The following LYPD6B variants were observed in gnomAD, a reference collection of about 807,000 sequenced individuals.
LYPD6B encodes the protein LY6/PLAUR domain containing 6B.
A neutral mutation model predicts 22.8 loss-of-function variants in LYPD6B; 17 were observed. That is an observed-to-expected ratio of 0.75 (90% CI 0.51 to 1.12). LYPD6B has a LOEUF of 1.12. Among genes scored for constraint, LYPD6B ranks in the 50% most tolerant of loss-of-function variants. The pLI is 0.00. For synonymous variants in LYPD6B, 106 were observed against 91.6 expected, an observed-to-expected ratio of 1.16 and a Z score of -0.90; for missense variants, 221 against 258.3, an observed-to-expected ratio of 0.86 and a Z score of 0.99.
chr2:149,151,908 A>G (rs1215709781), intron 2 of LYPD6B, among the ~76,000 whole-genome samples: 2 of 152,122 alleles, frequency 1.3e-5, no homozygotes. Context: ...GATATTCCAG[A>G]TGCTGGCCTC....
intron 2 of LYPD6B, chr2:149,160,539 A>G (rs1197472929): frequency 1.6e-6 from 1 of 642,280 alleles, no homozygotes. Flanking sequence ...GTGTGTGTTA[A>G]TAAAACGCTA....
chr2:149,114,747 C>T (rs954017792), intron 1 of LYPD6B, among the ~76,000 whole-genome samples: 1 of 152,184 alleles, frequency 6.6e-6, no homozygotes, highest in African/African-American at 2.4e-5. Context: ...AGGACTAATT[C>T]TAGCTATTTC....
At chr2:149,153,505 G>T (rs535127900) in intron 2 of LYPD6B, among the ~76,000 whole-genome samples, 1 of 152,248 alleles carries the variant, frequency 6.6e-6, no homozygotes, top group South Asian at 2.1e-4. Context: ...GGCTGGGCGC[G>T]GTGGCTCATG....
chr2:149,162,190 C>CAAT (rs1690109622), intron 3 of LYPD6B, among the ~76,000 whole-genome samples: 5 of 152,154 alleles, frequency 3.3e-5, no homozygotes, highest in Non-Finnish European at 7.3e-5. Flanking sequence ...AAATGTAACT[C>CAAT]TATTATTAAC....
intron 1 of LYPD6B, among the ~76,000 whole-genome samples, chr2:149,072,526 T>TATTTCATTTC (rs1574915355): frequency 7.2e-6 from 1 of 139,328 alleles, no homozygotes; most frequent in Non-Finnish European, 1.6e-5. Flanking sequence ...TATTTTATTT[T>TATTTCATTTC]ATTTTATTTC....
intron 3 of LYPD6B, among the ~76,000 whole-genome samples, chr2:149,162,572 A>G (rs1356199768): frequency 6.6e-6 from 1 of 152,132 alleles, no homozygotes; most frequent in African/African-American, 2.4e-5. Flanking sequence ...TCTCTTCTGC[A>G]TGAAGGTAGC....
chr2:149,177,324 A>G (rs1409688331), intron 3 of LYPD6B, among the ~76,000 whole-genome samples: 5 of 152,212 alleles, frequency 3.3e-5, no homozygotes, highest in East Asian at 3.9e-4. Flanking sequence ...TCCATCAAAT[A>G]TGTAGCCATG....
chr2:149,095,201 C>T (rs1278056943), intron 1 of LYPD6B, among the ~76,000 whole-genome samples: 6 of 151,980 alleles, frequency 3.9e-5, no homozygotes, highest in South Asian at 2.1e-4. Context: ...GAGGCTGAGG[C>T]GAGAGAATCG....
chr2:149,107,638 G>A (rs1686543566), intron 1 of LYPD6B, among the ~76,000 whole-genome samples: 1 of 152,178 alleles, frequency 6.6e-6, no homozygotes, highest in Admixed American at 6.5e-5. Context: ...CCTGGTTTAT[G>A]TAGATGTGTT....
At chr2:149,145,939 T>C (rs558422421) in intron 2 of LYPD6B, among the ~76,000 whole-genome samples, 1 of 152,228 alleles carries the variant, frequency 6.6e-6, no homozygotes, top group Admixed American at 6.5e-5. Flanking sequence ...GAAAGGAACT[T>C]CTGGGCAGAG....
intron 1 of LYPD6B, among the ~76,000 whole-genome samples, chr2:149,100,189 G>A (rs1252394612): frequency 1.3e-5 from 2 of 151,982 alleles, no homozygotes; most frequent in Non-Finnish European, 2.9e-5. Flanking sequence ...ATCGAACATA[G>A]CCCCTTGTCT....
intron 1 of LYPD6B, among the ~76,000 whole-genome samples, chr2:149,088,902 G>A (rs1193441633): frequency 6.6e-6 from 1 of 151,994 alleles, no homozygotes; most frequent in Admixed American, 6.6e-5. Context: ...GAAGAAAAGG[G>A]GAGACAGTAC....
intron 2 of LYPD6B, among the ~76,000 whole-genome samples, chr2:149,153,741 C>T (rs748147746): frequency 1.3e-5 from 2 of 151,800 alleles, no homozygotes; most frequent in Non-Finnish European, 2.9e-5. Flanking sequence ...TGCCACTGCA[C>T]TCCAGCCTGG....
rs1053436187 is a variant in LYPD6B at position 149,208,192 on chromosome 2, G to T, written c.230-122G>T. On this transcript the variant is annotated intron_variant, in intron 4 of 6. Coordinates refer to ENST00000409642, the MANE Select transcript of LYPD6B (RefSeq NM_177964.5). ...ATCTAGCTCTCTAGAAACAGTAATTGTAAGGATGAAAGCTTATAAGTTTTG... is the reference window on the plus strand; with the variant it reads ...ATCTAGCTCTCTAGAAACAGTAATTTTAAGGATGAAAGCTTATAAGTTTTG... The T allele has an allele frequency of 4.6e-6, 3 of 652,724 alleles. No homozygotes were observed. The East Asian group carries it at 7.9e-5, about 17-fold the overall frequency. 40.4% of individuals were successfully genotyped at this position (652,724 alleles called of 1,614,324 possible). A position where few individuals can be genotyped will look rare whatever the true frequency, so the allele number is the denominator to read the frequency against.
At chr2:149,206,441 C>T (rs1046073165) in intron 4 of LYPD6B, among the ~76,000 whole-genome samples, 2 of 152,070 alleles carry the variant, frequency 1.3e-5, no homozygotes, top group African/African-American at 4.8e-5. Flanking sequence ...ACTACACATA[C>T]ACACCTTGAA....
intron 2 of LYPD6B, among the ~76,000 whole-genome samples, chr2:149,133,879 T>A (rs7595866): frequency 0.43 from 64,623 of 151,960 alleles, 13,956 homozygotes; most frequent in East Asian, 0.54. Flanking sequence ...GATGCTGTAG[T>A]TACAGCAGTG....
chr2:149,047,265 T>A (rs1412381161), intron 1 of LYPD6B, among the ~76,000 whole-genome samples: 1 of 152,200 alleles, frequency 6.6e-6, no homozygotes, highest in Non-Finnish European at 1.5e-5. Context: ...TTTGTTTCTC[T>A]TTGATTTCTA....
intron 4 of LYPD6B, among the ~76,000 whole-genome samples, chr2:149,208,070 C>T (rs986679255): frequency 6.6e-6 from 1 of 152,124 alleles, no homozygotes; most frequent in Admixed American, 6.5e-5. Flanking sequence ...TTCAAAGTAG[C>T]TGTGGGACCA....
chr2:149,079,840 A>T (rs1469207262), intron 1 of LYPD6B, among the ~76,000 whole-genome samples: 2 of 152,076 alleles, frequency 1.3e-5, no homozygotes. Context: ...GGGTTAGCAG[A>T]CCTCCGGAAA....
Sources: allele counts gnomAD v4.1 joint callset (sites outside exome capture counted in the v4.1 genomes callset), GRCh38; gene constraint gnomAD v4.1.1; transcripts MANE v1.5; gene names NCBI Gene and HGNC (gene_info 2026-07-23, HGNC 2026-07-21).